Variants in EXOC5 observed in about 807,000 individuals in gnomAD.
EXOC5 encodes the protein SEC10-like 1.
A neutral mutation model predicts 90.8 loss-of-function variants in EXOC5; 17 were observed. The observed-to-expected ratio is 0.19, with a 90% CI of 0.13 to 0.28. The LOEUF (loss-of-function observed/expected upper bound fraction) is 0.28. Ranked by LOEUF, EXOC5 falls within the 10% of genes least tolerant of loss-of-function variation. The pLI is 1.00. For synonymous variants in EXOC5, 260 were observed against 270.0 expected, an observed-to-expected ratio of 0.96 and a Z score of 0.36; for missense variants, 569 against 830.6, an observed-to-expected ratio of 0.69 and a Z score of 3.87.
chr14:57,209,391 TA>T (rs938356317), intron 17 of EXOC5, among the ~76,000 whole-genome samples, 175 bp downstream of exon 17: 27 of 150,700 alleles, frequency 1.8e-4, no homozygotes, highest in African/African-American at 4.1e-4. Flanking sequence ...AAATTTAAAA[TA>T]AAAAAAAATA....
At chr14:57,229,318 A>G (rs945687197) in intron 12 of EXOC5, among the ~76,000 whole-genome samples, 1 of 152,230 alleles carries the variant, frequency 6.6e-6, no homozygotes, top group Non-Finnish European at 1.5e-5. Context: ...ACAAGGTAAG[A>G]CTTAAAATAC....
intron 4 of EXOC5, among the ~76,000 whole-genome samples, chr14:57,242,630 T>C (rs1566500746): frequency 6.6e-6 from 1 of 152,200 alleles, no homozygotes; most frequent in Non-Finnish European, 1.5e-5. Context: ...TCTTATCCCA[T>C]TCTAATTCCT....
intron 1 of EXOC5, among the ~76,000 whole-genome samples, chr14:57,257,469 G>C (rs1184130125): frequency 6.6e-6 from 1 of 152,122 alleles, no homozygotes; most frequent in African/African-American, 2.4e-5. Context: ...GATCTACGAG[G>C]AAGAAAGGCA....
chr14:57,238,221 T>TACACACACACACAC (rs372613596), intron 5 of EXOC5, among the ~76,000 whole-genome samples: 3 of 93,260 alleles, frequency 3.2e-5, no homozygotes, highest in African/African-American at 9.0e-5. Flanking sequence ...TCCACATATA[T>TACACACACACACAC]ATACACACAC....
At chr14:57,263,027 T>C (rs898576104) in intron 1 of EXOC5, among the ~76,000 whole-genome samples, 10 of 152,156 alleles carry the variant, frequency 6.6e-5, no homozygotes, top group Non-Finnish European at 1.2e-4. Context: ...CTATGTCAGG[T>C]TGCCCACGAT....
intron 1 of EXOC5, among the ~76,000 whole-genome samples, chr14:57,248,464 A>C (rs960288699): frequency 6.6e-6 from 1 of 152,048 alleles, no homozygotes; most frequent in African/African-American, 2.4e-5. Context: ...ATGAGAAAAA[A>C]GTCTAACATA....
At chr14:57,254,408 C>G (rs185282523) in intron 1 of EXOC5, among the ~76,000 whole-genome samples, 100 of 151,350 alleles carry the variant, frequency 6.6e-4, no homozygotes, top group Non-Finnish European at 1.2e-3. Context: ...GCACTCCAGC[C>G]TGGGTAACAG....
intron 1 of EXOC5, among the ~76,000 whole-genome samples, chr14:57,258,593 T>C (rs758005983): frequency 1.4e-4 from 22 of 152,158 alleles, no homozygotes; most frequent in African/African-American, 3.9e-4. Flanking sequence ...AAATACCTAA[T>C]GTAAATGAGG....
At chr14:57,259,247 C>T (rs1047550708) in intron 1 of EXOC5, among the ~76,000 whole-genome samples, 1 of 151,974 alleles carries the variant, frequency 6.6e-6, no homozygotes, top group Non-Finnish European at 1.5e-5. Context: ...TACAAGTGTG[C>T]GCCATCACAT....
At chr14:57,260,504 T>A (rs999402312) in intron 1 of EXOC5, among the ~76,000 whole-genome samples, 2 of 152,180 alleles carry the variant, frequency 1.3e-5, no homozygotes, top group African/African-American at 4.8e-5. Context: ...TAGTTTAGAA[T>A]CTTACAAAAT....
At chr14:57,213,933 G>A (rs142666976) in intron 15 of EXOC5, among the ~76,000 whole-genome samples, 2 of 143,718 alleles carry the variant, frequency 1.4e-5, no homozygotes, top group East Asian at 3.9e-4. Context: ...TCACACCAAT[G>A]CACTCCAGCC....
At chr14:57,227,680 A>G (rs1469169415) in intron 12 of EXOC5, among the ~76,000 whole-genome samples, 1 of 152,190 alleles carries the variant, frequency 6.6e-6, no homozygotes, top group Non-Finnish European at 1.5e-5. Flanking sequence ...CCTATTAGTG[A>G]GACTGAGTAT....
rs189239377 is a variant in EXOC5 at position 57,229,369 on chromosome 14, T to C, written c.1296+365A>G. Among the ~76,000 whole-genome samples the C allele has an allele frequency of 9.9e-5, 15 of 152,262 alleles. No homozygotes were observed. In the East Asian group the frequency reaches 2.7e-3, roughly 27 times the overall value. ...TCTCTCTAACTGTAAGTTCTGTATC[T>C]GTGGGTTCTGCATCAGCAGATTCAA... On this transcript the variant is annotated intron_variant, in intron 12 of 17. Transcript: ENST00000621441.
chr14:57,267,274 G>A (rs1215413427), intron 1 of EXOC5, among the ~76,000 whole-genome samples: 3 of 152,118 alleles, frequency 2.0e-5, no homozygotes, highest in Admixed American at 2.0e-4. Context: ...TATCTCTGAA[G>A]TCTTTCTTGT....
Position 57,206,192 on chromosome 14 carries a change from G to A in EXOC5, c.*2417C>T. 3.4e-6 allele frequency: 1 copy of A among 293,900 alleles called. No homozygotes were observed. Among genetic ancestry groups the A allele is most frequent in the Non-Finnish European group, 6.6e-6 (1 of 150,402 alleles). 18.2% of individuals were successfully genotyped at this position (293,900 alleles called of 1,614,324 possible). A position where few individuals can be genotyped will look rare whatever the true frequency, so the allele number is the denominator to read the frequency against. ...CAAAGACCGTACTTACGTAAATGTT[G>A]GTTAAAGTTACCAATTATACAAAGC... On this transcript the variant is annotated 3_prime_UTR_variant, in exon 18 of 18. Transcript: ENST00000621441.
rs779298821 is a variant in EXOC5 at position 57,206,261 on chromosome 14, AT to A, written c.*2347del. The A allele has an allele frequency of 2.1e-5, 5 of 242,580 alleles. No individual in the cohort carries two copies. Among genetic ancestry groups the A allele is most frequent in the Non-Finnish European group, 3.3e-5 (4 of 122,888 alleles). 15.0% of individuals were successfully genotyped at this position (242,580 alleles called of 1,614,324 possible). On this transcript the variant is annotated 3_prime_UTR_variant, in exon 18 of 18. Transcript: ENST00000621441. ...TTTTACCATGTGCAAAACGAAAAAC[AT>A]TTTAGTTATTGATCATCTCTTCTGA...
intron 3 of EXOC5, among the ~76,000 whole-genome samples, chr14:57,244,706 TAA>T (rs1425882927): frequency 1.3e-5 from 2 of 152,140 alleles, no homozygotes; most frequent in Non-Finnish European, 2.9e-5. Flanking sequence ...ACCAGACATC[TAA>T]AGAGCTCTCT....
chr14:57,208,782 G>A lies in EXOC5; in HGVS notation c.1954C>T (p.His652Tyr). 6.3e-7 allele frequency: 1 copy of A among 1,583,492 alleles called. No homozygotes were observed. The highest frequency in any genetic ancestry group is 1.1e-5 in the South Asian group (1 of 89,534). ...AGAGCATGCAGAGTATCAAAAAGAT[G>A]TAATACCATTGGAATCTGAATTGAG... ...AKDFKIPMVL[H>Y]LFDTLHALCN... Residue 652 changes from histidine (H) to tyrosine (Y), a missense_variant, in exon 18 of 18, where the codon CAT becomes TAT. His to Tyr is a moderately conservative substitution (Grantham distance 83). Coordinates refer to ENST00000621441, the MANE Select transcript of EXOC5 (RefSeq NM_006544.4).
In EXOC5 at chr14:57,235,751, G is replaced by T; in HGVS notation, c.629C>A (p.Ser210Tyr). 2 of 1,555,754 alleles carry T rather than the reference G, an allele frequency of 1.3e-6. No individual in the cohort carries two copies. The highest frequency in any genetic ancestry group is 1.7e-6 in the Non-Finnish European group (2 of 1,146,942). Reference protein sequence around the residue: ...FTSAQRRGEISRMREVAAVLL... With the variant: ...FTSAQRRGEIYRMREVAAVLL... Reference sequence around the variant, plus strand: ...AACTGCTGCTACTTCTCTCATTCTGGAGATTTCACCTCTTCTTTGAGCACT... The same window carrying T: ...AACTGCTGCTACTTCTCTCATTCTGTAGATTTCACCTCTTCTTTGAGCACT... Residue 210 changes from serine (S) to tyrosine (Y), a missense_variant, in exon 7 of 18, where the codon TCC (serine) becomes TAC (tyrosine). Ser to Tyr is a moderately radical substitution (Grantham distance 144, BLOSUM62 -2). Transcript: ENST00000621441.
Sources: allele counts gnomAD v4.1 joint callset (sites outside exome capture counted in the v4.1 genomes callset), GRCh38; gene constraint gnomAD v4.1.1; transcripts MANE v1.5; gene names NCBI Gene and HGNC (gene_info 2026-07-23, HGNC 2026-07-21).